EIF4G3: variants seen among roughly 807,000 people sequenced by gnomAD.
EIF4G3 encodes eukaryotic translation initiation factor 4 gamma 3, also known as eIF-4-gamma 3.
EIF4G3 carries 34 observed loss-of-function variants against 186.4 expected under a neutral mutation model. The observed-to-expected ratio is 0.18, with a 90% CI of 0.14 to 0.24. The LOEUF is 0.24. Ranked by LOEUF, EIF4G3 falls within the 10% of genes least tolerant of loss-of-function variation. EIF4G3 has a pLI of 1.00. For missense variants in EIF4G3, 1,536 were observed against 1,948.5 expected (o/e 0.79, Z 3.99); for synonymous variants, 673 against 679.5 (o/e 0.99, Z 0.15).
intron 12 of EIF4G3, among the ~76,000 whole-genome samples, chr1:20,965,687 CAA>C (rs2074490776): frequency 6.6e-6 from 1 of 152,120 alleles, no homozygotes; most frequent in Admixed American, 6.5e-5. Context: ...AAAATTAGAT[CAA>C]ATGGTGTCTC....
Position 21,101,505 on chromosome 1 carries a change from G to A in EIF4G3, c.-271-12292C>T, listed in dbSNP as rs565348791. On this transcript the variant is annotated intron_variant, in intron 2 of 36. Coordinates refer to ENST00000602326, the MANE Select transcript of EIF4G3 (RefSeq NM_001391906.1). ...GAATCACTCGAACCCAGGAGGTAGAGGTTGCAGTGAGCCGAGATTGCACCA... is the reference window on the plus strand; with the variant it reads ...GAATCACTCGAACCCAGGAGGTAGAAGTTGCAGTGAGCCGAGATTGCACCA... Among the ~76,000 whole-genome samples the A allele has an allele frequency of 2.3e-4, 32 of 140,256 alleles. No homozygotes were observed. In the South Asian group the frequency reaches 4.8e-3, roughly 21 times the overall value. The allele number at this position is 140,256 out of a possible 152,430, so 92.0% of individuals were successfully genotyped here. A position where few individuals can be genotyped will look rare whatever the true frequency, so the allele number is the denominator to read the frequency against.
intron 2 of EIF4G3, among the ~76,000 whole-genome samples, chr1:21,095,120 T>TA (rs1281691021): frequency 2.0e-5 from 3 of 152,184 alleles, no homozygotes; most frequent in African/African-American, 4.8e-5. Flanking sequence ...TTAACACGCC[T>TA]AGCAGAATCT....
intron 10 of EIF4G3, among the ~76,000 whole-genome samples, chr1:20,976,551 A>G (rs561810379): frequency 9.7e-4 from 148 of 152,302 alleles, no homozygotes; most frequent in South Asian, 3.7e-3. Context: ...TTACTTGTCT[A>G]TAATGTGAAA....
At chr1:20,928,692 C>G (rs1020478579) in intron 14 of EIF4G3, among the ~76,000 whole-genome samples, 2 of 152,168 alleles carry the variant, frequency 1.3e-5, no homozygotes, top group Admixed American at 1.3e-4. Context: ...AGCCACCACG[C>G]CAGGCCCCTC....
At chr1:20,826,382 G>C (rs2063636417) in intron 32 of EIF4G3, among the ~76,000 whole-genome samples, 1 of 150,790 alleles carries the variant, frequency 6.6e-6, no homozygotes, top group Admixed American at 6.6e-5. Context: ...GGCCAGACTG[G>C]TCTCCAACTC....
At chr1:20,898,822 C>T (rs1001892791) in intron 16 of EIF4G3, among the ~76,000 whole-genome samples, 1 of 152,164 alleles carries the variant, frequency 6.6e-6, no homozygotes, top group Admixed American at 6.5e-5. Flanking sequence ...CCTCTGCCTT[C>T]CGGGTTCAAG....
chr1:20,973,163 A>G, intron 10 of EIF4G3, 64 bp from the exon 11 acceptor site: 4 of 1,183,352 alleles, frequency 3.4e-6, no homozygotes, highest in Non-Finnish European at 5.0e-6. Context: ...AGAACTAGCA[A>G]TGACACTGTG....
chr1:20,921,960 A>G (rs997243512), intron 14 of EIF4G3, among the ~76,000 whole-genome samples: 6 of 152,226 alleles, frequency 3.9e-5, no homozygotes, highest in Non-Finnish European at 8.8e-5. Context: ...TTTGTCTCAG[A>G]GTAGTAAATG....
Position 21,008,849 on chromosome 1 carries a change from C to G in EIF4G3, c.-66-6041G>C, listed in dbSNP as rs2086102792. Among the ~76,000 whole-genome samples the G allele has an allele frequency of 2.0e-5, 3 of 151,910 alleles. No homozygotes were observed. In the South Asian group the frequency reaches 6.2e-4, roughly 32 times the overall value. ...AACATTTCAAATTAATAGAAAAATA[C>G]CAAAATTAATAAATTGTGTTGAGAA... is the stretch of plus-strand genomic sequence containing the variant. On this transcript the variant is annotated intron_variant, in intron 4 of 36. Coordinates refer to ENST00000602326, the MANE Select transcript of EIF4G3 (RefSeq NM_001391906.1).
At chr1:21,070,742 C>G (rs548245451) in intron 3 of EIF4G3, among the ~76,000 whole-genome samples, 1 of 152,276 alleles carries the variant, frequency 6.6e-6, no homozygotes, top group South Asian at 2.1e-4. Flanking sequence ...CACCCAAAAA[C>G]TGAAGAGAGG....
intron 3 of EIF4G3, among the ~76,000 whole-genome samples, chr1:21,077,903 A>G (rs1297239979): frequency 6.6e-6 from 1 of 151,804 alleles, no homozygotes; most frequent in African/African-American, 2.4e-5. Flanking sequence ...AAAAACAACA[A>G]AAAGACACTG....
chr1:20,813,312 C>A, intron 34 of EIF4G3, 73 bp from the exon 35 acceptor site: 2 of 1,140,060 alleles, frequency 1.8e-6, no homozygotes, highest in East Asian at 2.5e-5. Context: ...GCCTGTAATC[C>A]CAACACTTTG....
intron 13 of EIF4G3, among the ~76,000 whole-genome samples, chr1:20,944,078 A>G (rs2095842727): frequency 6.6e-6 from 1 of 150,906 alleles, no homozygotes; most frequent in Admixed American, 6.7e-5. Context: ...TATATAACAA[A>G]TATGTATTTA....
Position 20,942,060 on chromosome 1 carries a change from T to C in EIF4G3, c.1094A>G (p.Asp365Gly). 3.7e-6 allele frequency: 6 copies of C among 1,614,168 alleles called. No homozygotes were observed. The highest frequency in any genetic ancestry group is 5.1e-6 in the Non-Finnish European group (6 of 1,180,028). The change falls in exon 14 of 37, where the codon GAC becomes GGC. Residue 365 changes from aspartate to glycine, a missense_variant. Physicochemically the swap from Asp to Gly is moderately conservative, Grantham distance 94 (BLOSUM62 -1). Transcript: ENST00000602326. ...DRCELSSPRE[D>G]TIPIPSLTSC... ...TGTGAGGCTGGGTATAGGAATTGTG[T>C]CTTCTCTTGGGGATGAGAGTTCACA...
At position 20,806,652 on chromosome 1, in the gene EIF4G3, C is replaced by A. The variant is rs1465597751; in HGVS notation, c.*667G>T. The A allele has an allele frequency of 4.8e-5, 7 of 144,572 alleles. No homozygotes were observed. Among genetic ancestry groups the A allele is most frequent in the Non-Finnish European group, 7.6e-5 (5 of 65,558 alleles). The allele number at this position is 144,572 out of a possible 1,614,324, so 9.0% of individuals were successfully genotyped here. ...TAAGAGTACTTTTCTCAGGGTAGCA[C>A]TTTTTTTTTTTTAAACAATTCTTGG... On this transcript the variant is annotated 3_prime_UTR_variant, in exon 37 of 37. Coordinates refer to ENST00000602326, the MANE Select transcript of EIF4G3 (RefSeq NM_001391906.1).
intron 12 of EIF4G3, among the ~76,000 whole-genome samples, chr1:20,958,328 G>A (rs1270812283): frequency 6.6e-6 from 1 of 152,074 alleles, no homozygotes; most frequent in Non-Finnish European, 1.5e-5. Flanking sequence ...CGCTGAAAAA[G>A]CATTCAACAA....
intron 4 of EIF4G3, among the ~76,000 whole-genome samples, chr1:21,030,322 G>A (rs1044122439): frequency 1.3e-5 from 2 of 152,176 alleles, no homozygotes; most frequent in African/African-American, 4.8e-5. Context: ...CTGAATTATG[G>A]AGGCAGGTCT....
chr1:20,914,036 C>CT (rs1386423630), intron 14 of EIF4G3, among the ~76,000 whole-genome samples: 1 of 151,686 alleles, frequency 6.6e-6, no homozygotes, highest in Non-Finnish European at 1.5e-5. Context: ...TCTCGATCTC[C>CT]TGACCTCGTG....
At chr1:20,924,658 C>A (rs1211491577) in intron 14 of EIF4G3, among the ~76,000 whole-genome samples, 1 of 152,200 alleles carries the variant, frequency 6.6e-6, no homozygotes, top group African/African-American at 2.4e-5. Flanking sequence ...CTCAGCCTCC[C>A]CAGTTCAAGC....
Sources: gnomAD v4.1 joint callset for allele counts (sites outside exome capture counted in the v4.1 genomes callset) on GRCh38, gnomAD v4.1.1 for gene constraint, MANE v1.5 for transcripts, NCBI Gene and HGNC (gene_info 2026-07-23, HGNC 2026-07-21) for gene names.